CHCHD3: variants seen among roughly 807,000 people sequenced by gnomAD.
CHCHD3 encodes the protein MICOS complex subunit MIC19.
In CHCHD3, 20 loss-of-function variants were observed where a neutral mutation model predicts 38.2. That is an observed-to-expected ratio of 0.52 (90% CI 0.37 to 0.76). The LOEUF (loss-of-function observed/expected upper bound fraction) is 0.76. Ranked by LOEUF, CHCHD3 falls within the 30% of genes least tolerant of loss-of-function variation. The pLI, the probability that CHCHD3 is intolerant of heterozygous loss-of-function variation, is 0.00. For missense variants in CHCHD3, 245 were observed against 279.2 expected, an observed-to-expected ratio of 0.88 and a Z score of 0.87; for synonymous variants, 82 against 100.0, an observed-to-expected ratio of 0.82 and a Z score of 1.07.
chr7:132,960,707 G>T (rs185684661), intron 4 of CHCHD3, among the ~76,000 whole-genome samples: 65 of 152,302 alleles, frequency 4.3e-4, no homozygotes, highest in African/African-American at 1.4e-3. Flanking sequence ...GCCAGGCATG[G>T]TGGCTCATGC....
At chr7:132,959,460 C>G (rs541875510) in intron 4 of CHCHD3, among the ~76,000 whole-genome samples, 2 of 152,136 alleles carry the variant, frequency 1.3e-5, no homozygotes, top group African/African-American at 2.4e-5. Flanking sequence ...TGGTGGCTCA[C>G]GCCTATAATC....
chr7:132,793,249 G>C (rs951345417), intron 7 of CHCHD3, among the ~76,000 whole-genome samples: 2 of 152,132 alleles, frequency 1.3e-5, no homozygotes, highest in Admixed American at 6.5e-5. Flanking sequence ...ATGGGAACCA[G>C]GTATCAAAGG....
intron 3 of CHCHD3, among the ~76,000 whole-genome samples, chr7:132,993,477 C>T (rs1327341380): frequency 6.6e-6 from 1 of 152,174 alleles, no homozygotes; most frequent in Non-Finnish European, 1.5e-5. Flanking sequence ...AGAGTTCTTC[C>T]AAGACACACC....
At position 132,871,378 on chromosome 7, in the gene CHCHD3, G is replaced by A. The variant is rs56847990; in HGVS notation, c.453+14284C>T. Among the ~76,000 whole-genome samples, 1,318 of 152,238 alleles carry A rather than the reference G, an allele frequency of 8.7e-3. 24 individuals are homozygous for A. The highest frequency in any genetic ancestry group is 0.03 in the African/African-American group (1,262 of 41,532). On this transcript the variant is annotated intron_variant, in intron 5 of 7. Coordinates refer to ENST00000262570, the MANE Select transcript of CHCHD3 (RefSeq NM_017812.4). ...AATTTTAACAAATAGTTCTAGGGAC[G>A]TCTGCCAAATTTCCACAATTTAGAG...
At chr7:132,959,958 C>G (rs1811272610) in intron 4 of CHCHD3, among the ~76,000 whole-genome samples, 1 of 152,036 alleles carries the variant, frequency 6.6e-6, no homozygotes, top group African/African-American at 2.4e-5. Flanking sequence ...AAGATTATAA[C>G]CAAGTCAAAG....
At chr7:132,985,686 G>A (rs1449982467) in intron 3 of CHCHD3, among the ~76,000 whole-genome samples, 4 of 79,680 alleles carry the variant, frequency 5.0e-5, no homozygotes, top group East Asian at 4.7e-4. Context: ...GGTGGGGGGG[G>A]GGTCAGCCCC....
intron 2 of CHCHD3, among the ~76,000 whole-genome samples, chr7:133,055,156 C>T (rs1442906031): frequency 1.3e-5 from 2 of 150,818 alleles, no homozygotes; most frequent in African/African-American, 2.4e-5. Context: ...GAGACCTCAT[C>T]TCTTTAAAAA....
Position 133,034,508 on chromosome 7 carries a change from C to CTTTTTTTTTTTTTTTT in CHCHD3, c.170-9897_170-9882dup, listed in dbSNP as rs146912120. On this transcript the variant is annotated intron_variant, in intron 2 of 7. Coordinates refer to ENST00000262570, the MANE Select transcript of CHCHD3 (RefSeq NM_017812.4). ...AGTCCTTTCAGCAATTGGATCCAGT[C>CTTTTTTTTTTTTTTTT]TTTTTTTTTTTTTTTTTTTTTTCAA... 3.5e-4 allele frequency: 99 copies of CTTTTTTTTTTTTTTTT among 285,176 alleles called. 8 individuals are homozygous for CTTTTTTTTTTTTTTTT. The highest frequency in any genetic ancestry group is 5.2e-4 in the Admixed American group (7 of 13,394). 17.7% of individuals were successfully genotyped at this position (285,176 alleles called of 1,614,324 possible).
chr7:133,078,623 G>A (rs989665770), intron 1 of CHCHD3, among the ~76,000 whole-genome samples: 2 of 152,200 alleles, frequency 1.3e-5, no homozygotes, highest in Admixed American at 6.5e-5. Context: ...GGATTTTGCT[G>A]AAGGTAATGC....
chr7:132,836,322 G>A (rs146712160), intron 6 of CHCHD3, among the ~76,000 whole-genome samples: 55 of 152,096 alleles, frequency 3.6e-4, no homozygotes, highest in African/African-American at 6.5e-4. Context: ...GTTTTGCCAC[G>A]TTGCCCAGGC....
At chr7:132,787,246 A>C (rs539061199) in intron 7 of CHCHD3, among the ~76,000 whole-genome samples, 35 of 152,318 alleles carry the variant, frequency 2.3e-4, no homozygotes, top group African/African-American at 7.7e-4. Flanking sequence ...AGCCACAGAA[A>C]ACATGGAGGA....
At chr7:132,916,465 TA>T (rs1810108742) in intron 4 of CHCHD3, among the ~76,000 whole-genome samples, 1 of 150,104 alleles carries the variant, frequency 6.7e-6, no homozygotes, top group Non-Finnish European at 1.5e-5. Flanking sequence ...AGTCCGAAAA[TA>T]AGTGAGTACT....
At chr7:132,973,786 CCTT>C (rs1402943898) in intron 4 of CHCHD3, 19 of 1,087,268 alleles carry the variant, frequency 1.7e-5, no homozygotes, top group African/African-American at 5.0e-5. Flanking sequence ...TAGAAATGAG[CCTT>C]CTTCTTAGAA....
At chr7:132,937,077 A>G (rs1197858817) in intron 4 of CHCHD3, among the ~76,000 whole-genome samples, 1 of 152,190 alleles carries the variant, frequency 6.6e-6, no homozygotes, top group Non-Finnish European at 1.5e-5. Context: ...AATTCCAAGT[A>G]CCATTTAACT....
At chr7:133,071,339 G>T (rs554421845) in intron 1 of CHCHD3, among the ~76,000 whole-genome samples, 3 of 152,322 alleles carry the variant, frequency 2.0e-5, no homozygotes, top group Non-Finnish European at 2.9e-5. Context: ...ATAAATGGCT[G>T]AAGCAAGAAA....
intron 6 of CHCHD3, among the ~76,000 whole-genome samples, chr7:132,802,712 A>G (rs1806823870): frequency 6.6e-6 from 1 of 152,202 alleles, no homozygotes; most frequent in South Asian, 2.1e-4. Context: ...CTTAAAAGAT[A>G]CCAGGACTAA....
intron 4 of CHCHD3, among the ~76,000 whole-genome samples, chr7:132,931,517 G>A (rs1810514882): frequency 6.6e-6 from 1 of 152,084 alleles, no homozygotes; most frequent in Admixed American, 6.5e-5. Flanking sequence ...TCTTATACTA[G>A]AACATAAAGC....
intron 5 of CHCHD3, among the ~76,000 whole-genome samples, chr7:132,862,865 T>A (rs1406317441): frequency 6.6e-6 from 1 of 152,200 alleles, no homozygotes; most frequent in African/African-American, 2.4e-5. Context: ...TCAAGTTTGC[T>A]CCTCAAACAT....
chr7:133,051,074 T>A (rs557002788), intron 2 of CHCHD3, among the ~76,000 whole-genome samples: 1 of 152,256 alleles, frequency 6.6e-6, no homozygotes, highest in Non-Finnish European at 1.5e-5. Context: ...AACACAATAT[T>A]TCAAGCACAG....
Sources: gnomAD v4.1 joint callset for allele counts (sites outside exome capture counted in the v4.1 genomes callset) on GRCh38, gnomAD v4.1.1 for gene constraint, MANE v1.5 for transcripts, NCBI Gene and HGNC (gene_info 2026-07-23, HGNC 2026-07-21) for gene names.